FAM135B: variants seen among roughly 807,000 people sequenced by gnomAD.
The protein encoded by FAM135B is family with sequence similarity 135 member B.
Under a neutral mutation model 127.7 loss-of-function variants are expected in FAM135B, and 43 were observed. That is an observed-to-expected ratio of 0.34 (90% confidence interval 0.26 to 0.43). The LOEUF (loss-of-function observed/expected upper bound fraction) is 0.43. Among genes scored for constraint, FAM135B ranks in the 20% least tolerant of loss-of-function variants. The pLI is 1.00. For missense variants in FAM135B, 1,558 were observed against 1,725.6 expected, an observed-to-expected ratio of 0.90 and a Z score of 1.72; for synonymous variants, 670 against 665.1, an observed-to-expected ratio of 1.01 and a Z score of -0.11.
intron 1 of FAM135B, among the ~76,000 whole-genome samples, chr8:138,475,074 T>C (rs1814334086): frequency 7.0e-6 from 1 of 143,412 alleles, no homozygotes; most frequent in Non-Finnish European, 1.5e-5. Flanking sequence ...GCTTCTAGGT[T>C]AGTGAAAAAT....
chr8:138,206,142 C>T (rs1323070153), intron 7 of FAM135B, among the ~76,000 whole-genome samples: 2 of 143,750 alleles, frequency 1.4e-5, no homozygotes, highest in Non-Finnish European at 3.0e-5. Context: ...AGCACCTCCA[C>T]CCACGCACAG....
chr8:138,308,081 T>C (rs1484307699), intron 3 of FAM135B, among the ~76,000 whole-genome samples: 1 of 152,112 alleles, frequency 6.6e-6, no homozygotes, highest in African/African-American at 2.4e-5. Flanking sequence ...CCCTGAACAA[T>C]GAACTGTGGA....
At chr8:138,309,962 C>A (rs775719017) in intron 3 of FAM135B, among the ~76,000 whole-genome samples, 1 of 149,806 alleles carries the variant, frequency 6.7e-6, no homozygotes, top group Non-Finnish European at 1.5e-5. Flanking sequence ...CTCCACCTCC[C>A]AGGTTTAAGT....
intron 15 of FAM135B, among the ~76,000 whole-genome samples, chr8:138,145,317 T>C (rs988162948): frequency 3.9e-5 from 6 of 152,116 alleles, no homozygotes; most frequent in African/African-American, 1.4e-4. Context: ...CGCCCAGCCA[T>C]CCTCTCTGAA....
At chr8:138,280,994 A>G (rs937671576) in intron 3 of FAM135B, among the ~76,000 whole-genome samples, 2 of 152,122 alleles carry the variant, frequency 1.3e-5, no homozygotes, top group Non-Finnish European at 2.9e-5. Context: ...AGGCTTTAGC[A>G]TGGTAACCAA....
At chr8:138,272,391 C>A (rs1018890039) in intron 3 of FAM135B, among the ~76,000 whole-genome samples, 1 of 152,192 alleles carries the variant, frequency 6.6e-6, no homozygotes, top group Non-Finnish European at 1.5e-5. Flanking sequence ...GAATTTCTGA[C>A]TCCTAGCCTA....
At chr8:138,142,781 C>T in intron 16 of FAM135B, 2 of 429,062 alleles carry the variant, frequency 4.7e-6, no homozygotes, top group Non-Finnish European at 8.3e-6. Flanking sequence ...GTCCAAGACT[C>T]TTTCTACAGA....
chr8:138,373,480 C>G (rs372282473), intron 1 of FAM135B, among the ~76,000 whole-genome samples: 12 of 150,654 alleles, frequency 8.0e-5, no homozygotes, highest in African/African-American at 2.7e-4. Flanking sequence ...GTGATAATTG[C>G]GTTAACTGCA....
intron 2 of FAM135B, among the ~76,000 whole-genome samples, chr8:138,322,525 C>A (rs1827518286): frequency 6.6e-6 from 1 of 152,142 alleles, no homozygotes; most frequent in South Asian, 2.1e-4. Context: ...AAGAGTGGGA[C>A]ACCATGACAG....
intron 9 of FAM135B, among the ~76,000 whole-genome samples, chr8:138,190,550 C>A (rs947839607): frequency 1.3e-5 from 2 of 152,174 alleles, no homozygotes; most frequent in African/African-American, 2.4e-5. Flanking sequence ...AAGAACCCTG[C>A]AAAGCTGCGT....
chr8:138,425,823 C>A (rs1182021115), intron 1 of FAM135B, among the ~76,000 whole-genome samples: 4 of 151,508 alleles, frequency 2.6e-5, no homozygotes, highest in African/African-American at 9.7e-5. Context: ...CGGTTTACAC[C>A]AGCAAAAAGT....
rs145255310 is a variant in FAM135B, at chr8:138,401,525, G to T, written c.-19-33523C>A. Among the ~76,000 whole-genome samples the T allele has an allele frequency of 8.5e-5, 13 of 152,272 alleles. No individual in the cohort carries two copies. The East Asian group carries it at 2.5e-3, about 29-fold the overall frequency. The stretch of plus-strand genomic sequence containing the variant: ...GTCAGTGACAGCCACGTGCTTAAAA[G>T]AAACCCATCTGTTTACCAGCCCAGG... On this transcript the variant is annotated intron_variant, in intron 1 of 19. Transcript: ENST00000395297.
At chr8:138,474,886 C>T (rs1814314878) in intron 1 of FAM135B, among the ~76,000 whole-genome samples, 1 of 152,178 alleles carries the variant, frequency 6.6e-6, no homozygotes, top group South Asian at 2.1e-4. Flanking sequence ...CAGGAAGTAT[C>T]TGCCAGCAGT....
Position 138,247,232 on chromosome 8 carries a change from AG to A in FAM135B, c.542+3608del, listed in dbSNP as rs371812318. On this transcript the variant is annotated intron_variant, in intron 6 of 19. Transcript: ENST00000395297. ...AGGCATGATTGTGTTTTGAAACGCA[AG>A]GGCATGAGATTTGGGAAGGATTAGG... Among the ~76,000 whole-genome samples the A allele has an allele frequency of 1.2e-4, 18 of 152,324 alleles. 2 individuals are homozygous for A. In the East Asian group the frequency reaches 2.9e-3, roughly 25 times the overall value.
At chr8:138,189,775 G>T (rs1815944631) in intron 9 of FAM135B, among the ~76,000 whole-genome samples, 1 of 152,174 alleles carries the variant, frequency 6.6e-6, no homozygotes, top group East Asian at 1.9e-4. Flanking sequence ...TCCAGTTCCT[G>T]CCCACGAAGG....
In FAM135B at chr8:138,141,074, C is replaced by T; in HGVS notation, c.3790+124G>A. 2.2e-6 allele frequency: 2 copies of T among 915,896 alleles called. No homozygotes were observed. The highest frequency in any genetic ancestry group is 5.3e-5 in the East Asian group (2 of 37,848). The allele number at this position is 915,896 out of a possible 1,614,324, so 56.7% of individuals were successfully genotyped here. A position where few individuals can be genotyped will look rare whatever the true frequency, so the allele number is the denominator to read the frequency against. ...ACCTCTAAGGCCAGGACTCCTCCCT[C>T]CATGCCATGCTTGGAAAAGACTGCA... On this transcript the variant is annotated intron_variant, in intron 17 of 19. Transcript: ENST00000395297. The surrounding 1 kb of genome is among the most constrained non-coding windows in gnomAD (Gnocchi z 4.7).
intron 2 of FAM135B, among the ~76,000 whole-genome samples, chr8:138,344,068 C>T (rs1046298320): frequency 4.6e-5 from 7 of 152,158 alleles, no homozygotes; most frequent in African/African-American, 9.7e-5. Context: ...TAGGGAGAGG[C>T]AGTGACAGGC....
chr8:138,222,686 T>TG (rs1203967407), intron 7 of FAM135B, among the ~76,000 whole-genome samples: 1 of 150,076 alleles, frequency 6.7e-6, no homozygotes, highest in Non-Finnish European at 1.5e-5. Context: ...GTGTTTTTTT[T>TG]TTTTTTTTTT....
At chr8:138,275,599 G>A (rs1823759105) in intron 3 of FAM135B, among the ~76,000 whole-genome samples, 1 of 152,018 alleles carries the variant, frequency 6.6e-6, no homozygotes, top group South Asian at 2.1e-4. Context: ...GAAAGCTGAG[G>A]TTGGAAGATC....
Sources: gnomAD v4.1 joint callset for allele counts (sites outside exome capture counted in the v4.1 genomes callset) on GRCh38, gnomAD v4.1.1 for gene constraint, Gnocchi (gnomAD v3.1) non-coding constraint, MANE v1.5 for transcripts, NCBI Gene and HGNC (gene_info 2026-07-23, HGNC 2026-07-21) for gene names.